The following PDS5B variants were observed in gnomAD, a reference collection of about 807,000 sequenced individuals.
The protein encoded by PDS5B is PDS5 cohesin associated factor B.
A neutral mutation model predicts 184.1 loss-of-function variants in PDS5B; 51 were observed. The observed-to-expected ratio is 0.28, with a 90% CI of 0.22 to 0.35. The LOEUF (loss-of-function observed/expected upper bound fraction) is 0.35. PDS5B is among the 10% of genes least tolerant of loss of function. The probability of loss-of-function intolerance (pLI) is 1.00; values close to 1 mark genes in which losing one functional copy is unlikely to be tolerated. For missense variants in PDS5B, 1,180 were observed against 1,723.3 expected (o/e 0.68, Z 5.58); for synonymous variants, 566 against 569.2 (o/e 0.99, Z 0.08).
At chr13:32,677,011 A>G (rs1951088615) in intron 9 of PDS5B, among the ~76,000 whole-genome samples, 1 of 151,244 alleles carries the variant, frequency 6.6e-6, no homozygotes, top group South Asian at 2.1e-4. Context: ...CAATGGTATG[A>G]CCACTTTCTT....
At chr13:32,596,767 GGTT>G (rs2057879281) in intron 1 of PDS5B, among the ~76,000 whole-genome samples, 1 of 151,934 alleles carries the variant, frequency 6.6e-6, no homozygotes. Context: ...CTTTTTGCAT[GGTT>G]GTTGACAGTA....
At chr13:32,721,425 G>C (rs1273739839) in intron 19 of PDS5B, among the ~76,000 whole-genome samples, 1 of 151,988 alleles carries the variant, frequency 6.6e-6, no homozygotes, top group Non-Finnish European at 1.5e-5. Flanking sequence ...CTGCCGGGCG[G>C]AGGGGCTCCT....
chr13:32,632,391 GAC>G (rs2058471514), intron 1 of PDS5B, among the ~76,000 whole-genome samples: 1 of 152,100 alleles, frequency 6.6e-6, no homozygotes. Flanking sequence ...TACACAAATA[GAC>G]CTGTAAGCAC....
intron 19 of PDS5B, among the ~76,000 whole-genome samples, chr13:32,727,407 G>A (rs998658823): frequency 6.6e-6 from 1 of 151,926 alleles, no homozygotes; most frequent in South Asian, 2.1e-4. Context: ...CTTTTCATTT[G>A]TTGGATGTCT....
intron 9 of PDS5B, among the ~76,000 whole-genome samples, chr13:32,678,490 T>C (rs1951132583): frequency 6.6e-6 from 1 of 152,194 alleles, no homozygotes; most frequent in African/African-American, 2.4e-5. Flanking sequence ...TTATGATGTT[T>C]CTATGAACTA....
intron 34 of PDS5B, among the ~76,000 whole-genome samples, chr13:32,774,019 G>A (rs975723456): frequency 1.3e-5 from 2 of 152,090 alleles, no homozygotes; most frequent in South Asian, 2.1e-4. Context: ...GGTCAGGCTG[G>A]TCTCGAACTC....
chr13:32,635,596 C>T (rs1159758043), intron 1 of PDS5B, among the ~76,000 whole-genome samples: 1 of 151,686 alleles, frequency 6.6e-6, no homozygotes, highest in Non-Finnish European at 1.5e-5. Flanking sequence ...GCCGCCTCAA[C>T]CTCCCAAAGT....
chr13:32,678,340 A>G (rs1388540166), intron 9 of PDS5B, among the ~76,000 whole-genome samples: 1 of 152,156 alleles, frequency 6.6e-6, no homozygotes, highest in Non-Finnish European at 1.5e-5. Flanking sequence ...GATTAATTGG[A>G]TAGTAGTAAT....
intron 1 of PDS5B, among the ~76,000 whole-genome samples, chr13:32,607,667 A>G (rs951731693): frequency 1.3e-5 from 2 of 149,308 alleles, no homozygotes; most frequent in Non-Finnish European, 3.0e-5. Context: ...GTTGGAGTCT[A>G]CAGAGGCAGG....
chr13:32,746,184 A>G, intron 24 of PDS5B, 84 bp downstream of exon 24: 1 of 1,154,578 alleles, frequency 8.7e-7, no homozygotes, highest in Non-Finnish European at 1.2e-6. Context: ...ACATAGATTA[A>G]AATCTTGAAT....
rs1196606952 is a variant in PDS5B, at chr13:32,586,958, G to C, written c.-20+365G>C. Among the ~76,000 whole-genome samples the C allele has an allele frequency of 2.8e-5, 4 of 144,442 alleles. No homozygotes were observed. In the East Asian group the frequency reaches 8.2e-4, roughly 29 times the overall value. 94.8% of individuals were successfully genotyped at this position (144,442 alleles called of 152,430 possible). A position where few individuals can be genotyped will look rare whatever the true frequency, so the allele number is the denominator to read the frequency against. Reference sequence around the variant, plus strand: ...GGGCGGTGACCTTGCGCGCGGGCGGGGGTCTCGGGGCCGCCCGGCCGCCCG... The same window carrying C: ...GGGCGGTGACCTTGCGCGCGGGCGGCGGTCTCGGGGCCGCCCGGCCGCCCG... On this transcript the variant is annotated intron_variant, in intron 1 of 34. Transcript: ENST00000315596.
intron 19 of PDS5B, among the ~76,000 whole-genome samples, chr13:32,711,532 A>AT (rs1380325202): frequency 1.3e-5 from 2 of 151,714 alleles, no homozygotes; most frequent in Non-Finnish European, 2.9e-5. Context: ...TAATTTTTGT[A>AT]TTTTTAATAG....
chr13:32,679,330 G>T (rs1484476522), intron 10 of PDS5B, among the ~76,000 whole-genome samples: 1 of 152,180 alleles, frequency 6.6e-6, no homozygotes, highest in Non-Finnish European at 1.5e-5. Flanking sequence ...CCTGGAGACA[G>T]ACATTTTCAT....
chr13:32,665,588 C>CCAAAAAAAA (rs1950766359), intron 6 of PDS5B, among the ~76,000 whole-genome samples: 1 of 25,874 alleles, frequency 3.9e-5, no homozygotes, highest in Non-Finnish European at 6.5e-5. Flanking sequence ...GACTCCGACT[C>CCAAAAAAAA]AAAAAAAAAA....
intron 20 of PDS5B, among the ~76,000 whole-genome samples, chr13:32,732,459 A>G (rs1247823956): frequency 1.3e-5 from 2 of 152,038 alleles, no homozygotes; most frequent in East Asian, 3.8e-4. Context: ...ACATTGGTTT[A>G]TATATTTGTA....
At chr13:32,602,477 T>A (rs1164650649) in intron 1 of PDS5B, among the ~76,000 whole-genome samples, 1 of 152,226 alleles carries the variant, frequency 6.6e-6, no homozygotes, top group Non-Finnish European at 1.5e-5. Context: ...TGTGCCACAT[T>A]TTCTTAATCC....
chr13:32,657,341 T>C (rs1335726339), intron 3 of PDS5B, among the ~76,000 whole-genome samples: 1 of 152,222 alleles, frequency 6.6e-6, no homozygotes, highest in African/African-American at 2.4e-5. Flanking sequence ...TTCTTTGTCA[T>C]TGTTGGTTTA....
intron 3 of PDS5B, among the ~76,000 whole-genome samples, chr13:32,656,612 T>TA (rs1431669045): frequency 3.4e-5 from 5 of 149,228 alleles, no homozygotes; most frequent in South Asian, 2.1e-4. Flanking sequence ...TTTTTTTTTT[T>TA]AAAAGACAAA....
chr13:32,701,383 A>T lies in PDS5B; in HGVS notation c.1801A>T (p.Ile601Phe). 2 of 1,612,920 alleles carry T rather than the reference A, an allele frequency of 1.2e-6. No homozygotes were observed. The highest frequency in any genetic ancestry group is 1.7e-6 in the Non-Finnish European group (2 of 1,179,108). ...GCCTACAAATCCTTTCCTGGAAATG[A>T]TCAAGTTTCTCTTGGAGAGGATAGC... ...KQPTNPFLEMIKFLLERIAPV... is the reference protein window; with the variant it reads ...KQPTNPFLEMFKFLLERIAPV... The change falls in exon 17 of 35, where the codon ATC (isoleucine) becomes TTC (phenylalanine). Residue 601 changes from isoleucine (I) to phenylalanine (F), a missense_variant. By Grantham distance (21) the Ile-to-Phe change is conservative. Coordinates refer to ENST00000315596, the MANE Select transcript of PDS5B (RefSeq NM_015032.4).
Sources: gnomAD v4.1 joint callset for allele counts (sites outside exome capture counted in the v4.1 genomes callset) on GRCh38, gnomAD v4.1.1 for gene constraint, MANE v1.5 for transcripts, NCBI Gene and HGNC (gene_info 2026-07-23, HGNC 2026-07-21) for gene names.